The following BCAT1 variants were observed in gnomAD, a reference collection of about 807,000 sequenced individuals.
BCAT1 encodes the protein branched chain amino acid transaminase 1.
In BCAT1, 48 loss-of-function variants were observed where a neutral mutation model predicts 52.4. The ratio of observed to expected loss-of-function variants is 0.92; its 90% CI spans 0.73 to 1.16. The LOEUF (loss-of-function observed/expected upper bound fraction) is 1.16. Among genes scored for constraint, BCAT1 ranks in the 50% most tolerant of loss-of-function variants. The pLI is 0.00. For synonymous variants in BCAT1, 167 were observed against 161.3 expected (o/e 1.04, Z -0.27); for missense variants, 451 against 457.1 (o/e 0.99, Z 0.12).
intron 3 of BCAT1, among the ~76,000 whole-genome samples, chr12:24,884,693 C>T (rs1274873290): frequency 6.6e-6 from 1 of 152,074 alleles, no homozygotes; most frequent in Non-Finnish European, 1.5e-5. Context: ...GTATGATAAT[C>T]TCATTCAGTA....
chr12:24,948,208 A>G (rs140241668), intron 1 of BCAT1, among the ~76,000 whole-genome samples: 13 of 152,352 alleles, frequency 8.5e-5, no homozygotes, highest in African/African-American at 3.1e-4. Flanking sequence ...TTTATATGCG[A>G]TTGCAGTTTT....
rs538742107 is a variant in BCAT1, at chr12:24,868,799, G to C, written c.510+9731C>G. ...AAAACTTTAACTACTTTAAAACTAA[G>C]TACTTCTGTTCATCAAAAGATATCA... On this transcript the variant is annotated intron_variant, in intron 5 of 10. Transcript: ENST00000261192. 2.0e-5 allele frequency among the ~76,000 whole-genome samples: 3 copies of C among 152,258 alleles called. No homozygotes were observed. In the East Asian group the frequency reaches 5.8e-4, roughly 29 times the overall value.
chr12:24,896,577 T>C (rs1345436020), intron 2 of BCAT1, among the ~76,000 whole-genome samples: 4 of 152,144 alleles, frequency 2.6e-5, no homozygotes, highest in Admixed American at 2.6e-4. Context: ...GAGATCAACC[T>C]GGCAAACAGC....
Position 24,910,806 on chromosome 12 carries a change from C to T in BCAT1, c.7-8921G>A, listed in dbSNP as rs1336556929. Among the ~76,000 whole-genome samples the T allele has an allele frequency of 3.3e-5, 5 of 152,132 alleles. No homozygotes were observed. The East Asian group carries it at 7.7e-4, about 23-fold the overall frequency. On this transcript the variant is annotated intron_variant, in intron 1 of 10. Transcript: ENST00000261192. ...ATCTCATGATATGGTTAATGGAGAACTTATAATAAGAACTGGGGCCAGGCA... is the reference window on the plus strand; with the variant it reads ...ATCTCATGATATGGTTAATGGAGAATTTATAATAAGAACTGGGGCCAGGCA...
chr12:24,828,873 G>A (rs1940519603), intron 10 of BCAT1, among the ~76,000 whole-genome samples: 1 of 151,958 alleles, frequency 6.6e-6, no homozygotes, highest in Non-Finnish European at 1.5e-5. Flanking sequence ...GGGAACGGTG[G>A]CATGAGACCT....
intron 1 of BCAT1, chr12:24,902,125 C>G (rs1943122803): frequency 6.9e-7 from 1 of 1,455,210 alleles, no homozygotes; most frequent in Non-Finnish European, 9.0e-7. Flanking sequence ...CCTCCGCCGG[C>G]TCAGGGAAGA....
chr12:24,832,599 AAC>A (rs1382979752), intron 9 of BCAT1, 122 bp downstream of exon 9: 11 of 1,200,018 alleles, frequency 9.2e-6, no homozygotes, highest in Non-Finnish European at 1.3e-5. Flanking sequence ...AAAGAAAAAC[AAC>A]AACAACGACA....
chr12:24,890,710 G>A (rs755020979), intron 3 of BCAT1, among the ~76,000 whole-genome samples: 2 of 152,108 alleles, frequency 1.3e-5, no homozygotes, highest in Non-Finnish European at 2.9e-5. Context: ...GAAAATTTAT[G>A]AATAATCTAC....
At chr12:24,870,153 T>C (rs1243765371) in intron 5 of BCAT1, among the ~76,000 whole-genome samples, 1 of 152,124 alleles carries the variant, frequency 6.6e-6, no homozygotes, top group Non-Finnish European at 1.5e-5. Flanking sequence ...ATACCTTTGG[T>C]TCTACTTGAA....
chr12:24,817,945 C>A lies in BCAT1; in HGVS notation c.*63G>T. The A allele has an allele frequency of 6.5e-7, 1 of 1,534,546 alleles. No homozygotes were observed. The highest frequency in any genetic ancestry group is 1.1e-5 in the South Asian group (1 of 88,384). ...GAAATCTATCACAATTCAAATGCAA[C>A]AGTCTGTCCCAGTAGCATACAGTTG... On this transcript the variant is annotated 3_prime_UTR_variant, in exon 11 of 11. Coordinates refer to ENST00000261192, the MANE Select transcript of BCAT1 (RefSeq NM_005504.7).
In BCAT1 at chr12:24,894,326, A is replaced by G. The variant is rs778149142; in HGVS notation, c.228T>C (p.Leu76=). ...AGCCAGGGTGCAATGACAGGTTCTG[A>G]AGAGGCTTGATATGAGGTTTCTCCC... ...FGWEKPHIKP[L]QNLSLHPGSS... The change falls in exon 3 of 11, where the codon CTT becomes CTC. Residue 76 remains leucine (L), a synonymous_variant. Coordinates refer to ENST00000261192, the MANE Select transcript of BCAT1 (RefSeq NM_005504.7). 29 of 1,613,986 alleles carry G rather than the reference A, an allele frequency of 1.8e-5. 1 individual carries two copies. In the South Asian group the frequency reaches 3.2e-4, roughly 18 times the overall value.
At chr12:24,894,644 G>C (rs1228275487) in intron 2 of BCAT1, among the ~76,000 whole-genome samples, 169 bp from the exon 3 acceptor site, 1 of 151,984 alleles carries the variant, frequency 6.6e-6, no homozygotes, top group Non-Finnish European at 1.5e-5. Flanking sequence ...TTCAGAATTC[G>C]GCCAGTTATT....
chr12:24,878,819 C>A (rs112495135), intron 4 of BCAT1, among the ~76,000 whole-genome samples, 170 bp from the exon 5 acceptor site: 4,709 of 152,228 alleles, frequency 0.031, 233 homozygotes, highest in African/African-American at 0.1. Context: ...TTATTTATTT[C>A]TTTCTTATTT....
At chr12:24,944,496 A>C (rs1373734990) in intron 1 of BCAT1, among the ~76,000 whole-genome samples, 2 of 152,220 alleles carry the variant, frequency 1.3e-5, no homozygotes, top group Non-Finnish European at 2.9e-5. Context: ...TGTTTGGTCT[A>C]GAATATCCCA....
chr12:24,934,672 C>T (rs1943726974), intron 1 of BCAT1, among the ~76,000 whole-genome samples: 1 of 152,198 alleles, frequency 6.6e-6, no homozygotes, highest in Non-Finnish European at 1.5e-5. Flanking sequence ...CCTGCCTCAG[C>T]CTCCCAAGTA....
intron 5 of BCAT1, among the ~76,000 whole-genome samples, chr12:24,856,866 G>T (rs554238626): frequency 6.6e-6 from 1 of 152,298 alleles, no homozygotes; most frequent in South Asian, 2.1e-4. Flanking sequence ...ACTGGATGAA[G>T]TTTCCCTCTC....
intron 1 of BCAT1, among the ~76,000 whole-genome samples, chr12:24,908,110 C>T (rs377066295): frequency 3.9e-5 from 6 of 152,170 alleles, no homozygotes; most frequent in East Asian, 1.9e-4. Flanking sequence ...CTAACATGTT[C>T]TCAGGGTCCA....
At chr12:24,880,595 TTAAG>T (rs1432555216) in intron 4 of BCAT1, among the ~76,000 whole-genome samples, 1 of 152,236 alleles carries the variant, frequency 6.6e-6, no homozygotes, top group Non-Finnish European at 1.5e-5. Flanking sequence ...ATCAAAATAA[TTAAG>T]TTACTATATC....
At chr12:24,914,637 G>A (rs1242580958) in intron 1 of BCAT1, among the ~76,000 whole-genome samples, 1 of 152,182 alleles carries the variant, frequency 6.6e-6, no homozygotes, top group African/African-American at 2.4e-5. Flanking sequence ...GATTGCAGTG[G>A]CAATCTTACA....
Sources: allele counts gnomAD v4.1 joint callset (sites outside exome capture counted in the v4.1 genomes callset), GRCh38; gene constraint gnomAD v4.1.1; transcripts MANE v1.5; gene names NCBI Gene and HGNC (gene_info 2026-07-23, HGNC 2026-07-21).